The following PBX3 variants were observed in gnomAD, a reference collection of about 807,000 sequenced individuals.
The protein encoded by PBX3 is PBX homeobox 3, also known as pre-B-cell leukemia transcription factor 3.
A neutral mutation model predicts 48.5 loss-of-function variants in PBX3; 14 were observed. The observed-to-expected ratio is 0.29, with a 90% CI of 0.19 to 0.45. The LOEUF is 0.45. PBX3 is among the 20% of genes least tolerant of loss of function. The pLI is 1.00. For synonymous variants in PBX3, 210 were observed against 200.3 expected, an observed-to-expected ratio of 1.05 and a Z score of -0.41; for missense variants, 386 against 546.7, an observed-to-expected ratio of 0.71 and a Z score of 2.93.
At chr9:125,812,952 A>G (rs10986944) in intron 2 of PBX3, among the ~76,000 whole-genome samples, 8,987 of 152,234 alleles carry the variant, frequency 0.059, 607 homozygotes, top group East Asian at 0.17. Context: ...AGGACTGAAA[A>G]TTGCTCAGTG....
At chr9:125,798,251 A>G (rs764202507) in intron 2 of PBX3, among the ~76,000 whole-genome samples, 10 of 152,198 alleles carry the variant, frequency 6.6e-5, no homozygotes, top group Non-Finnish European at 1.5e-4. Context: ...ATCTAGGATT[A>G]TGAAATATAC....
chr9:125,939,754 T>C (rs1277283284), intron 5 of PBX3, among the ~76,000 whole-genome samples: 1 of 152,212 alleles, frequency 6.6e-6, no homozygotes, highest in Non-Finnish European at 1.5e-5. Flanking sequence ...GGAAAAAGAA[T>C]GATCTACAAG....
intron 2 of PBX3, 23 bp from the exon 3 acceptor site, chr9:125,915,663 T>TCA: frequency 6.9e-7 from 1 of 1,444,222 alleles, no homozygotes; most frequent in Non-Finnish European, 9.5e-7. Context: ...TCTCTCTCTG[T>TCA]CTCTCTCTCT....
At chr9:125,878,868 A>G (rs965588508) in intron 2 of PBX3, among the ~76,000 whole-genome samples, 1 of 152,116 alleles carries the variant, frequency 6.6e-6, no homozygotes, top group Non-Finnish European at 1.5e-5. Flanking sequence ...AGATGTTGTT[A>G]TGTGATATTT....
intron 2 of PBX3, among the ~76,000 whole-genome samples, chr9:125,781,009 G>A (rs1306559247): frequency 7.6e-5 from 7 of 91,832 alleles, no homozygotes; most frequent in African/African-American, 9.6e-5. Flanking sequence ...GATGGCGGCC[G>A]GGCAGAGACG....
intron 2 of PBX3, among the ~76,000 whole-genome samples, chr9:125,813,017 C>G (rs980708638): frequency 6.6e-6 from 1 of 152,142 alleles, no homozygotes; most frequent in Admixed American, 6.5e-5. Context: ...CTACCGCACA[C>G]TTTATATATG....
chr9:125,916,068 T>G, intron 3 of PBX3, 141 bp downstream of exon 3: 1 of 1,226,864 alleles, frequency 8.2e-7, no homozygotes, highest in Non-Finnish European at 1.1e-6. Flanking sequence ...AAAATCCAAG[T>G]GAATTGTTGG....
chr9:125,780,985 C>T (rs1174517493), intron 2 of PBX3, among the ~76,000 whole-genome samples: 1 of 110,170 alleles, frequency 9.1e-6, no homozygotes, highest in Non-Finnish European at 1.8e-5. Context: ...AGGCGCTCCT[C>T]ACTTCCTAGA....
chr9:125,780,264 A>G (rs1837224516), intron 2 of PBX3, among the ~76,000 whole-genome samples: 1 of 119,812 alleles, frequency 8.3e-6, no homozygotes, highest in African/African-American at 3.2e-5. Flanking sequence ...TCCCTCCCGG[A>G]TGGGGTGGCT....
chr9:125,857,537 T>C (rs1287046290), intron 2 of PBX3, among the ~76,000 whole-genome samples: 1 of 152,174 alleles, frequency 6.6e-6, no homozygotes, highest in African/African-American at 2.4e-5. Flanking sequence ...CCCCCAGTAC[T>C]ACATATTTTA....
chr9:125,893,247 C>G (rs1840692794), intron 2 of PBX3, among the ~76,000 whole-genome samples: 1 of 152,136 alleles, frequency 6.6e-6, no homozygotes, highest in South Asian at 2.1e-4. Flanking sequence ...GAATGATGTC[C>G]TACATAAGAA....
At chr9:125,852,319 T>C (rs1839605556) in intron 2 of PBX3, among the ~76,000 whole-genome samples, 1 of 152,206 alleles carries the variant, frequency 6.6e-6, no homozygotes, top group Non-Finnish European at 1.5e-5. Context: ...ATCCTAGGTC[T>C]TTGTTATCTT....
intron 4 of PBX3, 121 bp downstream of exon 4, chr9:125,929,966 A>G (rs986254850): frequency 8.4e-6 from 6 of 712,478 alleles, no homozygotes; most frequent in Middle Eastern, 2.4e-4. Context: ...CTTTTGTACA[A>G]TGGACAGGTA....
chr9:125,848,563 G>A (rs1324516530), intron 2 of PBX3, among the ~76,000 whole-genome samples: 2 of 151,920 alleles, frequency 1.3e-5, no homozygotes, highest in Non-Finnish European at 2.9e-5. Context: ...CATTGTTATG[G>A]TCAGTAGCAT....
intron 2 of PBX3, among the ~76,000 whole-genome samples, chr9:125,887,475 G>A (rs1047870591): frequency 6.6e-6 from 1 of 152,126 alleles, no homozygotes; most frequent in African/African-American, 2.4e-5. Flanking sequence ...TGTATTTTAA[G>A]GTTTTGTAGC....
chr9:125,804,316 C>T (rs745744465), intron 2 of PBX3, among the ~76,000 whole-genome samples: 2 of 152,132 alleles, frequency 1.3e-5, no homozygotes, highest in Non-Finnish European at 2.9e-5. Context: ...GTGTCACAAT[C>T]CAGAGCTTTT....
intron 2 of PBX3, among the ~76,000 whole-genome samples, chr9:125,787,301 G>T (rs60177519): frequency 7.2e-5 from 11 of 152,176 alleles, no homozygotes; most frequent in African/African-American, 2.6e-4. Context: ...GAGGGAAAGT[G>T]TACTGCATGG....
At chr9:125,748,907 G>T (rs1588112519) in intron 2 of PBX3, 1 of 314,506 alleles carries the variant, frequency 3.2e-6, no homozygotes, top group East Asian at 5.5e-5. Flanking sequence ...AGCGCCAGCC[G>T]CCCTCTTCCC....
chr9:125,898,723 C>T (rs1276334469), intron 2 of PBX3, among the ~76,000 whole-genome samples: 1 of 151,810 alleles, frequency 6.6e-6, no homozygotes, highest in Non-Finnish European at 1.5e-5. Context: ...GTCTAGTCCT[C>T]TGTTTTATAA....
Sources: allele counts gnomAD v4.1 joint callset (sites outside exome capture counted in the v4.1 genomes callset), GRCh38; gene constraint gnomAD v4.1.1; transcripts MANE v1.5; gene names NCBI Gene and HGNC (gene_info 2026-07-23, HGNC 2026-07-21).